The following ELP4 variants were observed in gnomAD, a reference collection of about 807,000 sequenced individuals.
ELP4 encodes the protein elongator complex protein 4.
Under a neutral mutation model 48.9 loss-of-function variants are expected in ELP4, and 51 were observed. The ratio of observed to expected loss-of-function variants is 1.04; its 90% CI spans 0.83 to 1.32. The LOEUF (loss-of-function observed/expected upper bound fraction) is 1.32. Among genes scored for constraint, ELP4 ranks in the 40% most tolerant of loss-of-function variants. The probability of loss-of-function intolerance (pLI) is 0.00; values close to 1 mark genes in which losing one functional copy is unlikely to be tolerated. For synonymous variants in ELP4, 210 were observed against 189.2 expected (o/e 1.11, Z -0.90); for missense variants, 519 against 514.6 (o/e 1.01, Z -0.08).
chr11:31,655,528 G>T (rs1565098165), intron 9 of ELP4, among the ~76,000 whole-genome samples: 1 of 152,028 alleles, frequency 6.6e-6, no homozygotes, highest in African/African-American at 2.4e-5. Flanking sequence ...TCCCACTGTT[G>T]TTTTGCCAGG....
At chr11:31,615,599 T>C (rs1406064974) in intron 5 of ELP4, among the ~76,000 whole-genome samples, 2 of 150,912 alleles carry the variant, frequency 1.3e-5, no homozygotes, top group Non-Finnish European at 3.0e-5. Context: ...ACAATCAGCT[T>C]TTTTTTTTCC....
intron 9 of ELP4, among the ~76,000 whole-genome samples, chr11:31,778,920 T>C (rs906619892): frequency 6.6e-6 from 1 of 152,190 alleles, no homozygotes; most frequent in Non-Finnish European, 1.5e-5. Context: ...TCTCACTGTA[T>C]TTTATTGTCC....
chr11:31,610,160 A>G (rs1386139681), intron 5 of ELP4, among the ~76,000 whole-genome samples: 1 of 152,214 alleles, frequency 6.6e-6, no homozygotes, highest in East Asian at 1.9e-4. Context: ...TATTAAAAGG[A>G]TATGGTGAAT....
intron 1 of ELP4, chr11:31,511,534 G>A (rs1393603931): frequency 6.6e-6 from 1 of 152,100 alleles, no homozygotes; most frequent in Non-Finnish European, 1.5e-5. Flanking sequence ...AAGAAATTAT[G>A]AAACATGTAG....
intron 2 of ELP4, among the ~76,000 whole-genome samples, chr11:31,538,579 G>A (rs888660987): frequency 6.6e-6 from 1 of 151,010 alleles, no homozygotes; most frequent in East Asian, 1.9e-4. Flanking sequence ...ATCTTATCAT[G>A]TATGATGATA....
At chr11:31,721,786 T>C (rs1462745815) in intron 9 of ELP4, among the ~76,000 whole-genome samples, 1 of 152,226 alleles carries the variant, frequency 6.6e-6, no homozygotes, top group African/African-American at 2.4e-5. Flanking sequence ...AAACTAAAAA[T>C]GTGTACAATT....
intron 3 of ELP4, among the ~76,000 whole-genome samples, chr11:31,560,771 A>G (rs1156772947): frequency 1.1e-5 from 1 of 89,742 alleles, no homozygotes; most frequent in Non-Finnish European, 2.5e-5. Context: ...GTCATGTACC[A>G]CATAATGTTT....
chr11:31,721,044 A>G (rs1310027089), intron 9 of ELP4, among the ~76,000 whole-genome samples: 5 of 152,208 alleles, frequency 3.3e-5, no homozygotes. Context: ...TTGGATTCTT[A>G]TTTGAAACTT....
At chr11:31,515,973 T>C (rs1164391926) in intron 1 of ELP4, among the ~76,000 whole-genome samples, 1 of 151,898 alleles carries the variant, frequency 6.6e-6, no homozygotes, top group East Asian at 1.9e-4. Context: ...TTGCCGGGTG[T>C]AGTGGGAGGT....
At chr11:31,695,968 G>A (rs1946395303) in intron 9 of ELP4, among the ~76,000 whole-genome samples, 1 of 151,974 alleles carries the variant, frequency 6.6e-6, no homozygotes, top group East Asian at 1.9e-4. Context: ...GGTGTTTATA[G>A]TATTCTCTGA....
At chr11:31,591,331 G>A (rs1029210108) in intron 3 of ELP4, among the ~76,000 whole-genome samples, 114 of 144,182 alleles carry the variant, frequency 7.9e-4, no homozygotes, top group African/African-American at 2.7e-3. Context: ...GCATGAACCC[G>A]AGAGGTGGAG....
At chr11:31,597,733 G>A (rs777188625) in intron 4 of ELP4, among the ~76,000 whole-genome samples, 15 of 151,012 alleles carry the variant, frequency 9.9e-5, no homozygotes, top group Non-Finnish European at 1.3e-4. Context: ...CACCACGCCA[G>A]GCTAGCTTTT....
chr11:31,687,037 C>T (rs1946176331), intron 9 of ELP4, among the ~76,000 whole-genome samples: 1 of 152,088 alleles, frequency 6.6e-6, no homozygotes, highest in East Asian at 1.9e-4. Flanking sequence ...GAGATAAAAT[C>T]AACTGAACTT....
At chr11:31,678,517 GTGTGTGTGTGTGTGTGTGTGTGTGTA>G (rs1003699639) in intron 9 of ELP4, among the ~76,000 whole-genome samples, 2 of 134,582 alleles carry the variant, frequency 1.5e-5, no homozygotes, top group East Asian at 2.1e-4. Flanking sequence ...GTGTGTGTGT[GTGTGTGTGTGTGTGTGTGTGTGTGTA>G]TATGTGCATT....
At chr11:31,752,324 A>C (rs1480892826) in intron 9 of ELP4, among the ~76,000 whole-genome samples, 1 of 152,220 alleles carries the variant, frequency 6.6e-6, no homozygotes, top group African/African-American at 2.4e-5. Context: ...AAAAGTTCCT[A>C]TCCTGATAAA....
intron 3 of ELP4, among the ~76,000 whole-genome samples, chr11:31,556,612 C>A (rs1439809462): frequency 6.6e-6 from 1 of 151,676 alleles, no homozygotes; most frequent in Non-Finnish European, 1.5e-5. Flanking sequence ...TCATAATATG[C>A]CAAAGTCAGT....
In ELP4 at chr11:31,554,867, G is replaced by A. The variant is rs527510422; in HGVS notation, c.381+15084G>A. On this transcript the variant is annotated intron_variant, in intron 3 of 9. Coordinates refer to ENST00000640961, the MANE Select transcript of ELP4 (RefSeq NM_019040.5). The stretch of plus-strand genomic sequence containing the variant: ...ATGTATTATCAAAGATATTATTGCT[G>A]AGACAAAAACCAAATTGTCTTAAGC... Among the ~76,000 whole-genome samples the A allele has an allele frequency of 3.3e-5, 5 of 152,252 alleles. No homozygotes were observed. In the South Asian group the frequency reaches 1.0e-3, roughly 32 times the overall value.
rs1949016526 is a variant in ELP4 at position 31,789,170 on chromosome 11, G to T, written c.*5646G>T. ...AAGAAACGTATGATTGCATGAAAAT[G>T]TGTATAAAACATCTATATTCTTGTC... On this transcript the variant is annotated 3_prime_UTR_variant, in exon 10 of 10. Transcript: ENST00000640961. 4.9e-6 allele frequency: 1 copy of T among 205,202 alleles called. No individual in the cohort carries two copies. Among genetic ancestry groups the T allele is most frequent in the South Asian group, 1.9e-4 (1 of 5,308 alleles). 12.7% of individuals were successfully genotyped at this position (205,202 alleles called of 1,614,324 possible).
chr11:31,720,242 C>T (rs752493010), intron 9 of ELP4, among the ~76,000 whole-genome samples: 3 of 152,118 alleles, frequency 2.0e-5, no homozygotes, highest in Non-Finnish European at 4.4e-5. Flanking sequence ...AATATGATCT[C>T]CATTTCAAAT....
Sources: gnomAD v4.1 joint callset for allele counts (sites outside exome capture counted in the v4.1 genomes callset) on GRCh38, gnomAD v4.1.1 for gene constraint, MANE v1.5 for transcripts, NCBI Gene and HGNC (gene_info 2026-07-23, HGNC 2026-07-21) for gene names.